AUTS2: variants seen among roughly 807,000 people sequenced by gnomAD.
AUTS2 encodes autism susceptibility gene 2 protein.
A neutral mutation model predicts 112.4 loss-of-function variants in AUTS2; 17 were observed. The ratio of observed to expected loss-of-function variants is 0.15; its 90% confidence interval spans 0.10 to 0.23. The LOEUF is 0.23. AUTS2 is among the 10% of genes least tolerant of loss of function. The pLI, the probability that AUTS2 is intolerant of heterozygous loss-of-function variation, is 1.00. For missense variants in AUTS2, 1,510 were observed against 1,701.6 expected (o/e 0.89, Z 1.98); for synonymous variants, 751 against 702.7 (o/e 1.07, Z -1.09).
At chr7:69,824,239 C>T (rs923061866) in intron 1 of AUTS2, among the ~76,000 whole-genome samples, 5 of 152,080 alleles carry the variant, frequency 3.3e-5, no homozygotes, top group African/African-American at 9.6e-5. Flanking sequence ...CGGTGAAACC[C>T]CATCTCTACT....
At position 70,610,599 on chromosome 7, in the gene AUTS2, T is replaced by C. The variant is rs183375801; in HGVS notation, c.691-87970T>C. 1.0e-3 allele frequency among the ~76,000 whole-genome samples: 153 copies of C among 152,002 alleles called. 1 individual carries two copies. Among genetic ancestry groups the C allele is most frequent in the African/African-American group, 3.6e-3 (151 of 41,462 alleles). Reference sequence around the variant, plus strand: ...GACCACAGGTGCACGCCACTACACCTGGCTAATTTTTAATTTTTATATAGA... The same window carrying C: ...GACCACAGGTGCACGCCACTACACCCGGCTAATTTTTAATTTTTATATAGA... On this transcript the variant is annotated intron_variant, in intron 5 of 18. Transcript: ENST00000342771.
At chr7:70,307,777 A>C (rs1344805599) in intron 4 of AUTS2, among the ~76,000 whole-genome samples, 1 of 152,224 alleles carries the variant, frequency 6.6e-6, no homozygotes, top group Non-Finnish European at 1.5e-5. Flanking sequence ...GATCTCTGCA[A>C]ATGTTTGAAC....
chr7:70,610,467 A>C (rs1326160768), intron 5 of AUTS2, among the ~76,000 whole-genome samples: 8 of 101,792 alleles, frequency 7.9e-5, no homozygotes, highest in Admixed American at 3.1e-4. Context: ...ACAGAGTCTC[A>C]TTCTGTTGCC....
chr7:70,160,054 G>T (rs1227932361), intron 4 of AUTS2, among the ~76,000 whole-genome samples: 2 of 152,032 alleles, frequency 1.3e-5, no homozygotes, highest in African/African-American at 2.4e-5. Context: ...GGTATAATTA[G>T]ATTGGTCTTT....
At chr7:69,626,876 G>A (rs1194746692) in intron 1 of AUTS2, among the ~76,000 whole-genome samples, 3 of 152,174 alleles carry the variant, frequency 2.0e-5, no homozygotes, top group Admixed American at 6.5e-5. Flanking sequence ...TAAATAGCCT[G>A]TTTTTCTTTG....
At chr7:70,235,510 C>G (rs1159207531) in intron 4 of AUTS2, among the ~76,000 whole-genome samples, 1 of 152,152 alleles carries the variant, frequency 6.6e-6, no homozygotes, top group African/African-American at 2.4e-5. Flanking sequence ...GGCTGCAACA[C>G]TGTTTTCTTT....
chr7:70,632,997 A>C (rs12668598), intron 5 of AUTS2, among the ~76,000 whole-genome samples: 1 of 132,286 alleles, frequency 7.6e-6, no homozygotes, highest in Non-Finnish European at 1.5e-5. Flanking sequence ...CCTTGGGGGG[A>C]AAAAAAAAAG....
At chr7:70,647,240 T>C (rs2129541327) in intron 5 of AUTS2, among the ~76,000 whole-genome samples, 1 of 152,272 alleles carries the variant, frequency 6.6e-6, no homozygotes, top group East Asian at 1.9e-4. Flanking sequence ...GGAGAGTTTT[T>C]CCTCTCATTC....
chr7:69,811,911 G>A (rs1416629102), intron 1 of AUTS2, among the ~76,000 whole-genome samples: 4 of 152,196 alleles, frequency 2.6e-5, no homozygotes, highest in Non-Finnish European at 5.9e-5. Flanking sequence ...AGTGCCTAGT[G>A]CAGTAGGGGT....
chr7:70,669,221 T>C (rs904187767), intron 5 of AUTS2, among the ~76,000 whole-genome samples: 4 of 152,184 alleles, frequency 2.6e-5, no homozygotes, highest in African/African-American at 9.7e-5. Context: ...GGCTCACATC[T>C]AAGCCTGGCA....
At chr7:70,018,531 T>C (rs1800132852) in intron 2 of AUTS2, among the ~76,000 whole-genome samples, 1 of 152,154 alleles carries the variant, frequency 6.6e-6, no homozygotes, top group South Asian at 2.1e-4. Context: ...CTAATTTGAT[T>C]CCTGTTTAAC....
intron 2 of AUTS2, among the ~76,000 whole-genome samples, chr7:69,936,347 G>T (rs970184355): frequency 3.3e-5 from 5 of 151,632 alleles, no homozygotes; most frequent in Non-Finnish European, 7.4e-5. Context: ...GATTTTTTTT[G>T]TTTTGTTTTG....
chr7:70,440,355 G>A lies in AUTS2; in HGVS notation c.690+4574G>A, dbSNP rs543094668. ...CCTAGGAGTTTCAAGACTGCAGTGA[G>A]CTAAGATCATGCCACTACACTGCAC... is the stretch of plus-strand genomic sequence containing the variant. On this transcript the variant is annotated intron_variant, in intron 5 of 18. Coordinates refer to ENST00000342771, the MANE Select transcript of AUTS2 (RefSeq NM_015570.4). Among the ~76,000 whole-genome samples the A allele has an allele frequency of 2.0e-5, 3 of 152,074 alleles. No individual in the cohort carries two copies. The East Asian group carries it at 5.8e-4, about 29-fold the overall frequency.
At chr7:69,674,405 T>TG (rs1796464967) in intron 1 of AUTS2, among the ~76,000 whole-genome samples, 1 of 152,132 alleles carries the variant, frequency 6.6e-6, no homozygotes, top group African/African-American at 2.4e-5. Flanking sequence ...TCTTGAGCTG[T>TG]GGGACCTTAA....
At chr7:69,922,452 C>T (rs1245992784) in intron 2 of AUTS2, among the ~76,000 whole-genome samples, 18 of 152,202 alleles carry the variant, frequency 1.2e-4, no homozygotes, top group Admixed American at 1.2e-3. Flanking sequence ...GCTTAAGCTT[C>T]GCTGCTTTCT....
At chr7:70,646,378 T>G (rs528100413) in intron 5 of AUTS2, among the ~76,000 whole-genome samples, 2 of 152,348 alleles carry the variant, frequency 1.3e-5, no homozygotes, top group Non-Finnish European at 2.9e-5. Context: ...GAAGAATTTT[T>G]ATTATTTAGA....
chr7:70,491,495 CAT>C (rs1798234794), intron 5 of AUTS2, among the ~76,000 whole-genome samples: 1 of 146,784 alleles, frequency 6.8e-6, no homozygotes, highest in Non-Finnish European at 1.5e-5. Context: ...TATATATACA[CAT>C]AATATATATG....
intron 2 of AUTS2, among the ~76,000 whole-genome samples, chr7:70,046,404 T>C (rs1218356381): frequency 6.6e-6 from 1 of 152,222 alleles, no homozygotes; most frequent in Non-Finnish European, 1.5e-5. Context: ...TCGCACATAC[T>C]ACATAAGTAC....
chr7:69,614,221 G>C (rs1032821129), intron 1 of AUTS2, among the ~76,000 whole-genome samples: 3 of 152,058 alleles, frequency 2.0e-5, no homozygotes, highest in Non-Finnish European at 4.4e-5. Flanking sequence ...TACACACACA[G>C]AATACCCTCA....
Sources: allele counts gnomAD v4.1 joint callset (sites outside exome capture counted in the v4.1 genomes callset), GRCh38; gene constraint gnomAD v4.1.1; transcripts MANE v1.5; gene names NCBI Gene and HGNC (gene_info 2026-07-23, HGNC 2026-07-21).